The following PALM2AKAP2 variants were observed in gnomAD, a reference collection of about 807,000 sequenced individuals.
The protein encoded by PALM2AKAP2 is PALM2-AKAP2 fusion protein.
PALM2AKAP2 carries 37 observed loss-of-function variants against 71.5 expected under a neutral mutation model. That is an observed-to-expected ratio of 0.52 (90% confidence interval 0.40 to 0.68). The LOEUF is 0.68. PALM2AKAP2 is among the 30% of genes least tolerant of loss of function. The pLI is 0.00. For synonymous variants in PALM2AKAP2, 468 were observed against 478.8 expected (o/e 0.98, Z 0.29); for missense variants, 1,224 against 1,191.8 (o/e 1.03, Z -0.40).
intron 1 of PALM2AKAP2, chr9:110,049,005 C>A (rs1833657158): frequency 1.8e-6 from 2 of 1,098,496 alleles, no homozygotes; most frequent in African/African-American, 3.3e-5. Flanking sequence ...TGGTCCTTGT[C>A]GAGCGGAGCG....
intron 2 of PALM2AKAP2, among the ~76,000 whole-genome samples, chr9:110,147,820 C>T (rs963654909): frequency 6.6e-6 from 1 of 152,180 alleles, no homozygotes; most frequent in Non-Finnish European, 1.5e-5. Context: ...TTGTGAGTTG[C>T]TCTTTTGCAG....
chr9:109,836,574 C>A (rs1828484929), intron 1 of PALM2AKAP2, among the ~76,000 whole-genome samples: 1 of 152,194 alleles, frequency 6.6e-6, no homozygotes, highest in South Asian at 2.1e-4. Flanking sequence ...GATGATCAAA[C>A]TTCTCCGAGC....
intron 1 of PALM2AKAP2, among the ~76,000 whole-genome samples, chr9:109,655,226 G>A (rs1827283187): frequency 6.6e-6 from 1 of 151,226 alleles, no homozygotes; most frequent in Non-Finnish European, 1.5e-5. Context: ...AACCTGGGAG[G>A]TGGAGCTTGC....
At chr9:109,948,445 G>T (rs1831562976) in intron 6 of PALM2AKAP2, among the ~76,000 whole-genome samples, 1 of 152,086 alleles carries the variant, frequency 6.6e-6, no homozygotes, top group South Asian at 2.1e-4. Context: ...GTAATTTTGG[G>T]GACTGCAGAC....
At chr9:109,931,854 T>C (rs1831109553) in intron 5 of PALM2AKAP2, 73 bp from the exon 6 acceptor site, 3 of 1,526,936 alleles carry the variant, frequency 2.0e-6, no homozygotes, top group Non-Finnish European at 2.7e-6. Context: ...GCAGACAAGC[T>C]GCTGTCTCGG....
chr9:109,646,243 G>C (rs1298725952), intron 1 of PALM2AKAP2, among the ~76,000 whole-genome samples: 1 of 152,124 alleles, frequency 6.6e-6, no homozygotes, highest in South Asian at 2.1e-4. Flanking sequence ...GGTGGGTTGG[G>C]TATGAGATCC....
intron 3 of PALM2AKAP2, among the ~76,000 whole-genome samples, chr9:109,904,732 C>T (rs145643732): frequency 3.3e-5 from 5 of 152,224 alleles, no homozygotes; most frequent in South Asian, 2.1e-4. Flanking sequence ...GCCAAGCCAG[C>T]GGGAAGAGGC....
At chr9:110,007,066 T>C (rs1396154920) in intron 6 of PALM2AKAP2, among the ~76,000 whole-genome samples, 2 of 152,168 alleles carry the variant, frequency 1.3e-5, no homozygotes, top group African/African-American at 2.4e-5. Flanking sequence ...TGGGGAAAGC[T>C]TCTTTTTTCT....
chr9:110,164,588 T>C (rs1836687385), intron 3 of PALM2AKAP2, among the ~76,000 whole-genome samples: 3 of 150,626 alleles, frequency 2.0e-5, no homozygotes, highest in Non-Finnish European at 4.4e-5. Flanking sequence ...TGAAGTACAG[T>C]GGTGCGATCT....
intron 1 of PALM2AKAP2, among the ~76,000 whole-genome samples, chr9:109,686,325 AG>A (rs1220599363): frequency 6.6e-6 from 1 of 152,230 alleles, no homozygotes; most frequent in African/African-American, 2.4e-5. Flanking sequence ...TATCTGTGAC[AG>A]TTATAGCCTT....
In PALM2AKAP2 at chr9:109,923,144, A is replaced by G. The variant is rs75713977; in HGVS notation, c.258-591A>G. ...CTGAAATTTCCCTTTTATAAAATAC[A>G]TAGGATGGCTGTGAAAATTGAGGAA... On this transcript the variant is annotated intron_variant, in intron 3 of 9. Coordinates refer to the PALM2AKAP2 transcript ENST00000302798. Among the ~76,000 whole-genome samples, 5 of 152,160 alleles carry G rather than the reference A, an allele frequency of 3.3e-5. No homozygotes were observed. In the East Asian group the frequency reaches 7.7e-4, roughly 23 times the overall value.
chr9:109,762,540 G>A (rs1427250702), intron 1 of PALM2AKAP2, among the ~76,000 whole-genome samples: 2 of 152,084 alleles, frequency 1.3e-5, no homozygotes, highest in Non-Finnish European at 2.9e-5. Context: ...CCCACAGAAG[G>A]GATTATTGGA....
At chr9:109,801,438 C>A (rs192347407) in intron 1 of PALM2AKAP2, among the ~76,000 whole-genome samples, 106 of 152,300 alleles carry the variant, frequency 7.0e-4, no homozygotes, top group Non-Finnish European at 1.3e-3. Context: ...TGGAGTTGGA[C>A]AGTCACAATG....
intron 2 of PALM2AKAP2, among the ~76,000 whole-genome samples, chr9:109,872,381 T>C (rs1829621274): frequency 6.6e-6 from 1 of 152,182 alleles, no homozygotes; most frequent in Admixed American, 6.5e-5. Context: ...GTCTATTTTA[T>C]TGGTCTGTTC....
chr9:110,089,922 AAAC>A (rs374475465), intron 1 of PALM2AKAP2, among the ~76,000 whole-genome samples: 3 of 152,224 alleles, frequency 2.0e-5, no homozygotes, highest in African/African-American at 7.2e-5. Flanking sequence ...ATGAAAACTA[AAAC>A]AACAACAACA....
At chr9:109,727,904 A>G (rs1166577396) in intron 1 of PALM2AKAP2, among the ~76,000 whole-genome samples, 3 of 152,240 alleles carry the variant, frequency 2.0e-5, no homozygotes, top group South Asian at 2.1e-4. Flanking sequence ...CTTCTAAAAA[A>G]TGTAAACACA....
intron 1 of PALM2AKAP2, among the ~76,000 whole-genome samples, chr9:110,054,165 C>T (rs1202938551): frequency 6.6e-6 from 1 of 152,176 alleles, no homozygotes; most frequent in Non-Finnish European, 1.5e-5. Context: ...TTTGGGAGGC[C>T]GAGGTGGGTG....
At chr9:110,106,796 C>T (rs1835131281) in intron 1 of PALM2AKAP2, among the ~76,000 whole-genome samples, 1 of 152,198 alleles carries the variant, frequency 6.6e-6, no homozygotes, top group Non-Finnish European at 1.5e-5. Context: ...AATTGGATTG[C>T]CATTTCAGTT....
rs764067446 is a variant in PALM2AKAP2 at position 110,068,338 on chromosome 9, A to G, written c.156+19483A>G. On this transcript the variant is annotated intron_variant, in intron 1 of 3. Coordinates refer to ENST00000374525, the Ensembl canonical transcript of PALM2AKAP2. The stretch of plus-strand genomic sequence containing the variant: ...AAGGAGGCAACTGAATAGCATGAAA[A>G]TAAGGGGTATGGGTGGTGGTAGTTG... 6.0e-4 allele frequency among the ~76,000 whole-genome samples: 90 copies of G among 149,514 alleles called. 1 individual carries two copies. Among genetic ancestry groups the G allele is most frequent in the Non-Finnish European group, 1.0e-3 (69 of 67,930 alleles).
Sources: allele counts gnomAD v4.1 joint callset (sites outside exome capture counted in the v4.1 genomes callset), GRCh38; gene constraint gnomAD v4.1.1; transcripts MANE v1.5; gene names NCBI Gene and HGNC (gene_info 2026-07-23, HGNC 2026-07-21).